The following RANBP17 variants were observed in gnomAD, a reference collection of about 807,000 sequenced individuals.
RANBP17 encodes the protein RAN binding protein 17, also known as ran-binding protein 17.
Under a neutral mutation model 141.2 loss-of-function variants are expected in RANBP17, and 158 were observed. The observed-to-expected ratio is 1.12, with a 90% CI of 0.98 to 1.28. RANBP17 has a LOEUF of 1.28. RANBP17 is among the 50% of genes most tolerant of loss of function. The pLI is 0.00. For missense variants in RANBP17, 1,438 were observed against 1,290.7 expected (o/e 1.11, Z -1.75); for synonymous variants, 430 against 450.0 (o/e 0.96, Z 0.56).
At chr5:170,898,170 A>G (rs1770294789) in intron 5 of RANBP17, among the ~76,000 whole-genome samples, 1 of 152,172 alleles carries the variant, frequency 6.6e-6, no homozygotes, top group Non-Finnish European at 1.5e-5. Context: ...ATATATATTT[A>G]GGATAGTTAG....
At position 171,198,398 on chromosome 5, in the gene RANBP17, A is replaced by G. The variant is rs373581745; in HGVS notation, c.2039-1272A>G. 1.3e-3 allele frequency among the ~76,000 whole-genome samples: 195 copies of G among 152,330 alleles called. 9 individuals carry two copies. The South Asian group carries it at 0.039, about 30-fold the overall frequency. ...CTGTTGTACTCCTGAAACAATGTGA[A>G]ATTGAAGGAAAGAGATAAATCACAG... On this transcript the variant is annotated intron_variant, in intron 18 of 27. Coordinates refer to ENST00000523189, the MANE Select transcript of RANBP17 (RefSeq NM_022897.5).
chr5:171,248,182 C>G (rs1024801108), intron 24 of RANBP17, among the ~76,000 whole-genome samples: 1 of 151,952 alleles, frequency 6.6e-6, no homozygotes, highest in African/African-American at 2.4e-5. Context: ...CTGGCTAACA[C>G]GGTGAAACCT....
chr5:170,995,992 T>C (rs1778793514), intron 14 of RANBP17, among the ~76,000 whole-genome samples: 2 of 151,914 alleles, frequency 1.3e-5, no homozygotes, highest in South Asian at 2.1e-4. Flanking sequence ...CACCTGAGAA[T>C]AGCCACTGCA....
intron 14 of RANBP17, among the ~76,000 whole-genome samples, chr5:171,109,454 A>T (rs1362516563): frequency 6.6e-6 from 1 of 152,166 alleles, no homozygotes; most frequent in Non-Finnish European, 1.5e-5. Context: ...TTGTAATTTG[A>T]CTATGCATAT....
At chr5:170,912,711 AC>A (rs1360938809) in intron 7 of RANBP17, among the ~76,000 whole-genome samples, 2 of 148,774 alleles carry the variant, frequency 1.3e-5, no homozygotes, top group Non-Finnish European at 3.0e-5. Flanking sequence ...GGAAAAAAAA[AC>A]CAAGAAAACT....
chr5:170,938,589 G>A (rs761393118), intron 12 of RANBP17, among the ~76,000 whole-genome samples: 8 of 152,108 alleles, frequency 5.3e-5, no homozygotes, highest in Non-Finnish European at 1.0e-4. Flanking sequence ...AATCACAAAT[G>A]AGCACATAAC....
In RANBP17 at chr5:171,138,516, G is replaced by A. The variant is rs921357920; in HGVS notation, c.1711-31614G>A. Among the ~76,000 whole-genome samples, 6 of 143,144 alleles carry A rather than the reference G, an allele frequency of 4.2e-5. No individual in the cohort carries two copies. In the East Asian group the frequency reaches 1.3e-3, roughly 31 times the overall value. 93.9% of individuals were successfully genotyped at this position (143,144 alleles called of 152,430 possible). A position where few individuals can be genotyped will look rare whatever the true frequency, so the allele number is the denominator to read the frequency against. On this transcript the variant is annotated intron_variant, in intron 14 of 27. Coordinates refer to ENST00000523189, the MANE Select transcript of RANBP17 (RefSeq NM_022897.5). ...TCTTTTATCACAGTCCCACCAGGCAGTTTCTCCTACCCTTCCCTACTGCAA... is the reference window on the plus strand; with the variant it reads ...TCTTTTATCACAGTCCCACCAGGCAATTTCTCCTACCCTTCCCTACTGCAA...
At chr5:171,180,461 G>A (rs1760798804) in intron 16 of RANBP17, among the ~76,000 whole-genome samples, 1 of 152,174 alleles carries the variant, frequency 6.6e-6, no homozygotes. Flanking sequence ...TTACTGCTAA[G>A]AGGTGTTTTG....
At chr5:170,967,364 TC>T (rs1310156904) in intron 13 of RANBP17, among the ~76,000 whole-genome samples, 29 of 152,176 alleles carry the variant, frequency 1.9e-4, no homozygotes, top group Middle Eastern at 3.4e-3. Flanking sequence ...AGACAGAGCT[TC>T]CTTTGTGCAA....
chr5:171,093,510 T>G (rs1375145254), intron 14 of RANBP17, among the ~76,000 whole-genome samples: 1 of 152,216 alleles, frequency 6.6e-6, no homozygotes, highest in East Asian at 1.9e-4. Context: ...ATGTGGTAGC[T>G]TATGTAAGAG....
intron 27 of RANBP17, among the ~76,000 whole-genome samples, chr5:171,296,495 A>C (rs1477929795): frequency 2.0e-5 from 3 of 152,268 alleles, no homozygotes; most frequent in Non-Finnish European, 4.4e-5. Flanking sequence ...CCCAGCATAT[A>C]GAAATGATAA....
intron 14 of RANBP17, among the ~76,000 whole-genome samples, chr5:171,019,552 G>A (rs1780703075): frequency 6.6e-6 from 1 of 152,150 alleles, no homozygotes; most frequent in Non-Finnish European, 1.5e-5. Context: ...GCATAGCGGT[G>A]TTTATAGTAT....
At chr5:171,137,357 A>G (rs989841860) in intron 14 of RANBP17, among the ~76,000 whole-genome samples, 1 of 152,162 alleles carries the variant, frequency 6.6e-6, no homozygotes, top group Non-Finnish European at 1.5e-5. Flanking sequence ...TTGCTGTAGT[A>G]TAGACTGCAT....
intron 14 of RANBP17, among the ~76,000 whole-genome samples, chr5:171,059,561 C>T: frequency 6.6e-6 from 1 of 152,098 alleles, no homozygotes; most frequent in East Asian, 1.9e-4. Flanking sequence ...GTTTTGGTTA[C>T]TGTAGCCTTG....
intron 13 of RANBP17, among the ~76,000 whole-genome samples, chr5:170,958,333 T>C (rs1017094301): frequency 6.6e-6 from 1 of 152,182 alleles, no homozygotes; most frequent in Non-Finnish European, 1.5e-5. Context: ...TTTGTCTCTC[T>C]TTTCTGGGAA....
intron 14 of RANBP17, among the ~76,000 whole-genome samples, chr5:171,056,152 C>G (rs979906631): frequency 6.6e-6 from 1 of 152,134 alleles, no homozygotes; most frequent in African/African-American, 2.4e-5. Flanking sequence ...AAGATTACTT[C>G]AGTTTTCTAT....
intron 20 of RANBP17, among the ~76,000 whole-genome samples, chr5:171,208,843 A>T (rs1193938016): frequency 6.6e-6 from 1 of 152,202 alleles, no homozygotes; most frequent in Non-Finnish European, 1.5e-5. Context: ...TTCTGTGATT[A>T]TGTAAAGGGC....
chr5:170,913,849 T>C (rs1187457920), intron 7 of RANBP17, among the ~76,000 whole-genome samples: 3 of 152,096 alleles, frequency 2.0e-5, no homozygotes, highest in African/African-American at 7.2e-5. Context: ...TTTTTAGTAC[T>C]GTTTACTTTT....
At chr5:171,159,982 A>C (rs190929701) in intron 14 of RANBP17, among the ~76,000 whole-genome samples, 1 of 150,794 alleles carries the variant, frequency 6.6e-6, no homozygotes, top group East Asian at 2.0e-4. Flanking sequence ...GGACCTATTG[A>C]TCTGAATGGG....
Sources: gnomAD v4.1 joint callset for allele counts (sites outside exome capture counted in the v4.1 genomes callset) on GRCh38, gnomAD v4.1.1 for gene constraint, MANE v1.5 for transcripts, NCBI Gene and HGNC (gene_info 2026-07-23, HGNC 2026-07-21) for gene names.